FAM227A: variants seen among roughly 807,000 people sequenced by gnomAD.
FAM227A encodes protein FAM227A.
Under a neutral mutation model 74.7 loss-of-function variants are expected in FAM227A, and 80 were observed. That is an observed-to-expected ratio of 1.07 (90% CI 0.89 to 1.29). FAM227A has a LOEUF of 1.29. Ranked by LOEUF, FAM227A falls within the 50% of genes most tolerant of loss-of-function variation. FAM227A has a pLI of 0.00. For missense variants in FAM227A, 654 were observed against 683.4 expected (o/e 0.96, Z 0.48); for synonymous variants, 237 against 241.8 (o/e 0.98, Z 0.19).
At chr22:38,613,716 C>G (rs922049095) in intron 11 of FAM227A, among the ~76,000 whole-genome samples, 1 of 151,820 alleles carries the variant, frequency 6.6e-6, no homozygotes, top group Non-Finnish European at 1.5e-5. Flanking sequence ...TGATTAAGAG[C>G]TAATGTTTAT....
chr22:38,599,287 A>G (rs963504013), intron 14 of FAM227A, among the ~76,000 whole-genome samples: 2 of 151,844 alleles, frequency 1.3e-5, no homozygotes, highest in African/African-American at 4.8e-5. Flanking sequence ...TTGAGATCTG[A>G]GCTTTCTATT....
At chr22:38,613,135 TAA>T (rs2091464788) in intron 11 of FAM227A, among the ~76,000 whole-genome samples, 1 of 90,556 alleles carries the variant, frequency 1.1e-5, no homozygotes. Flanking sequence ...ATTATATATA[TAA>T]TATATATATT....
chr22:38,599,105 C>T (rs935921264), intron 14 of FAM227A, among the ~76,000 whole-genome samples: 3 of 152,022 alleles, frequency 2.0e-5, no homozygotes, highest in Non-Finnish European at 2.9e-5. Flanking sequence ...TATACAGGCA[C>T]GCACCACCAG....
intron 8 of FAM227A, among the ~76,000 whole-genome samples, chr22:38,626,891 A>AAAAAAATATATAT (rs1555966996): frequency 3.5e-5 from 2 of 57,688 alleles, no homozygotes; most frequent in African/African-American, 1.7e-4. Context: ...AAAAAAAAAA[A>AAAAAAATATATAT]ATATATATAT....
At chr22:38,639,631 C>G (rs1268658267) in intron 4 of FAM227A, 24 bp downstream of exon 4, 1 of 1,550,904 alleles carries the variant, frequency 6.4e-7, no homozygotes, top group Non-Finnish European at 8.7e-7. Flanking sequence ...AAAAGAGCAT[C>G]AAGGCTGAGG....
In FAM227A at chr22:38,650,105, C is replaced by T; in HGVS notation, c.64G>A (p.Glu22Lys). 1.3e-6 allele frequency: 2 copies of T among 1,551,942 alleles called. No homozygotes were observed. The highest frequency in any genetic ancestry group is 1.2e-5 in the South Asian group (1 of 84,054). Residue 22 changes from glutamate to lysine, a missense_variant, in exon 2 of 17, where the codon GAG becomes AAG. Transcript: ENST00000535113. ...LTTLPMIPVD[E>K]HLAVSLVARN... is the part of the protein sequence containing the mutation. ...GCGACAAGCGAGACAGCCAGGTGCT[C>T]ATCCACTGGTATCATAGGTAGGGTG...
chr22:38,607,587 T>G (rs1393914231), intron 11 of FAM227A, 111 bp from the exon 12 acceptor site: 6 of 759,520 alleles, frequency 7.9e-6, no homozygotes, highest in Non-Finnish European at 1.3e-5. Context: ...TCTTTGCTAT[T>G]TCTTACTGTT....
At chr22:38,617,662 G>A (rs951356570) in intron 11 of FAM227A, among the ~76,000 whole-genome samples, 1 of 152,172 alleles carries the variant, frequency 6.6e-6, no homozygotes, top group African/African-American at 2.4e-5. Context: ...ATTAGAAATG[G>A]GGCATTCAGG....
At chr22:38,641,172 G>T (rs763145791) in intron 3 of FAM227A, among the ~76,000 whole-genome samples, 3 of 152,112 alleles carry the variant, frequency 2.0e-5, no homozygotes, top group Non-Finnish European at 4.4e-5. Flanking sequence ...GTTTTGGGGG[G>T]AAAGATGGTA....
At chr22:38,597,758 T>C (rs913252054) in intron 14 of FAM227A, among the ~76,000 whole-genome samples, 1 of 152,164 alleles carries the variant, frequency 6.6e-6, no homozygotes, top group African/African-American at 2.4e-5. Context: ...CTCGTTTGTA[T>C]ATAAAAATAT....
chr22:38,604,637 C>G (rs1216992867), intron 13 of FAM227A, among the ~76,000 whole-genome samples: 1 of 152,072 alleles, frequency 6.6e-6, no homozygotes, highest in Non-Finnish European at 1.5e-5. Context: ...GGTTTTATCA[C>G]TTATTTGCTT....
chr22:38,635,848 T>G (rs1264711813), intron 6 of FAM227A, among the ~76,000 whole-genome samples: 1 of 151,924 alleles, frequency 6.6e-6, no homozygotes, highest in East Asian at 1.9e-4. Flanking sequence ...AAAAAATTTT[T>G]TTAAAAACTA....
At chr22:38,606,396 T>TG (rs1357388243) in intron 12 of FAM227A, among the ~76,000 whole-genome samples, 1 of 152,202 alleles carries the variant, frequency 6.6e-6, no homozygotes, top group Non-Finnish European at 1.5e-5. Context: ...CTTGAACTTC[T>TG]GGGCTCAAGC....
intron 6 of FAM227A, among the ~76,000 whole-genome samples, chr22:38,632,767 A>C (rs2091937951): frequency 6.6e-6 from 1 of 152,158 alleles, no homozygotes; most frequent in African/African-American, 2.4e-5. Flanking sequence ...AGAACTTCAA[A>C]ATGCAGGGAG....
intron 6 of FAM227A, among the ~76,000 whole-genome samples, chr22:38,634,784 G>C (rs1487634069): frequency 1.3e-5 from 2 of 152,210 alleles, no homozygotes; most frequent in African/African-American, 4.8e-5. Flanking sequence ...GCCAGGCCCA[G>C]AGACCAGCGC....
chr22:38,635,590 G>C (rs986935116), intron 6 of FAM227A, among the ~76,000 whole-genome samples: 1 of 152,116 alleles, frequency 6.6e-6, no homozygotes, highest in Non-Finnish European at 1.5e-5. Context: ...ATACTTCCTT[G>C]CTTTCTTCCC....
chr22:38,605,768 AAT>A (rs1361762460), intron 12 of FAM227A, among the ~76,000 whole-genome samples: 1 of 152,172 alleles, frequency 6.6e-6, no homozygotes, highest in Non-Finnish European at 1.5e-5. Context: ...GTTTCCTACA[AAT>A]ATTTACCTCT....
chr22:38,631,353 A>G (rs902138552), intron 6 of FAM227A, among the ~76,000 whole-genome samples: 2 of 152,112 alleles, frequency 1.3e-5, no homozygotes, highest in Admixed American at 6.6e-5. Context: ...GCGTGGACAT[A>G]AAGATGGAAA....
At chr22:38,626,059 G>C in intron 9 of FAM227A, 121 bp downstream of exon 9, 1 of 1,008,566 alleles carries the variant, frequency 9.9e-7, no homozygotes, top group South Asian at 1.7e-5. Flanking sequence ...TTAATGTTAA[G>C]GAGAGAAAAG....
Sources: allele counts gnomAD v4.1 joint callset (sites outside exome capture counted in the v4.1 genomes callset), GRCh38; gene constraint gnomAD v4.1.1; transcripts MANE v1.5; gene names NCBI Gene and HGNC (gene_info 2026-07-23, HGNC 2026-07-21).